The following ARMC6 variants were observed in gnomAD, a reference collection of about 807,000 sequenced individuals.
ARMC6 encodes the protein armadillo repeat-containing protein 6.
A neutral mutation model predicts 49.2 loss-of-function variants in ARMC6; 43 were observed. That is an observed-to-expected ratio of 0.87 (90% confidence interval 0.69 to 1.13). ARMC6 has a LOEUF of 1.13. ARMC6 is among the 50% of genes most tolerant of loss of function. The pLI is 0.00. For synonymous variants in ARMC6, 262 were observed against 289.6 expected, an observed-to-expected ratio of 0.90 and a Z score of 0.97; for missense variants, 627 against 682.0, an observed-to-expected ratio of 0.92 and a Z score of 0.90.
intron 2 of ARMC6, among the ~76,000 whole-genome samples, chr19:19,035,633 A>G (rs985225484): frequency 1.3e-5 from 2 of 151,292 alleles, no homozygotes; most frequent in Non-Finnish European, 2.9e-5. Context: ...GGTGGAAGGG[A>G]GGGGTTGTGG....
chr19:19,046,886 C>G (rs1010844622), intron 4 of ARMC6, among the ~76,000 whole-genome samples: 5 of 147,354 alleles, frequency 3.4e-5, no homozygotes, highest in Non-Finnish European at 3.0e-5. Context: ...TTTGCCCTGC[C>G]AACATGCCAG....
rs969075266 is a variant in ARMC6, at chr19:19,033,737, C to T, written c.-273C>T. On this transcript the variant is annotated 5_prime_UTR_variant, in exon 1 of 9. Coordinates refer to ENST00000535612, the MANE Select transcript of ARMC6 (RefSeq NM_001199196.2). ...GGGCGGCAAAGACGCCTCCGTCGCG[C>T]ACGAGGTGGCCTCGTTGGCTTTACC... is the stretch of plus-strand genomic sequence containing the variant. 59 of 261,566 alleles carry T rather than the reference C, an allele frequency of 2.3e-4. No individual in the cohort carries two copies. Among genetic ancestry groups the T allele is most frequent in the African/African-American group, 1.3e-3 (58 of 44,600 alleles). The allele number at this position is 261,566 out of a possible 1,614,324, so 16.2% of individuals were successfully genotyped here. A position where few individuals can be genotyped will look rare whatever the true frequency, so the allele number is the denominator to read the frequency against.
intron 5 of ARMC6, 119 bp from the exon 6 acceptor site, chr19:19,054,033 T>TCCAATA: frequency 9.7e-7 from 1 of 1,033,328 alleles, no homozygotes; most frequent in South Asian, 2.5e-5. Flanking sequence ...CTGGTGCCCG[T>TCCAATA]GGCCACTCCA....
chr19:19,058,175 C>G lies in ARMC6; in HGVS notation c.*547C>G, dbSNP rs781460825. 5.9e-6 allele frequency: 1 copy of G among 170,210 alleles called. No homozygotes were observed. Among genetic ancestry groups the G allele is most frequent in the Non-Finnish European group, 1.3e-5 (1 of 79,502 alleles). 10.5% of individuals were successfully genotyped at this position (170,210 alleles called of 1,614,324 possible). On this transcript the variant is annotated 3_prime_UTR_variant, in exon 9 of 9. Transcript: ENST00000535612. ...TAATAAAAGATCATTGGGTGAACAG[C>G]GGAGGGGTCTCTTCCATAGCTTGGC...
intron 2 of ARMC6, chr19:19,039,330 CCTTA>C (rs2059394412): frequency 2.2e-6 from 1 of 451,142 alleles, no homozygotes; most frequent in East Asian, 7.2e-5. Context: ...AGAGACGGGG[CCTTA>C]CTATGTTGTC....
chr19:19,035,020 C>T (rs775280253), intron 2 of ARMC6, among the ~76,000 whole-genome samples: 1 of 152,230 alleles, frequency 6.6e-6, no homozygotes, highest in Non-Finnish European at 1.5e-5. Context: ...CGCCACCACG[C>T]CCGGCTAGTT....
chr19:19,042,813 C>T lies in ARMC6; in HGVS notation c.132C>T (p.Ile44=), dbSNP rs1185622489. ...TTGATGCAGCTGTGCGCGAGAACAT[C>T]GAGGAGTTTGCGATGGGGCCAGAGG... The part of the protein sequence containing the change: ...ETFDAAVREN[I]EEFAMGPEEA... The change falls in exon 3 of 9, where the codon ATC becomes ATT. Residue 44 remains isoleucine, a synonymous_variant. Transcript: ENST00000535612. 4.3e-6 allele frequency: 7 copies of T among 1,613,924 alleles called. No individual in the cohort carries two copies. In the African/African-American group the frequency reaches 5.3e-5, roughly 12 times the overall value.
chr19:19,036,038 A>G (rs2059364475), intron 2 of ARMC6, among the ~76,000 whole-genome samples: 1 of 152,010 alleles, frequency 6.6e-6, no homozygotes, highest in South Asian at 2.1e-4. Flanking sequence ...AGTCCGACTC[A>G]TGAATCTGAG....
chr19:19,055,929 G>A lies in ARMC6; in HGVS notation c.1293+1G>A, dbSNP rs749200716. On this transcript the variant is annotated splice_donor_variant, in intron 8 of 8. Coordinates refer to ENST00000535612, the MANE Select transcript of ARMC6 (RefSeq NM_001199196.2). LOFTEE classifies it high-confidence loss of function. The surrounding 1 kb of genome is among the most constrained non-coding windows in gnomAD (Gnocchi z 5.7). ...ACACCCGCAGAAGGCCGGCGTGCAG[G>A]TGGGCAGGGCAGGGGATGGGGGCAG... 2 of 1,607,510 alleles carry A rather than the reference G, an allele frequency of 1.2e-6. No individual in the cohort carries two copies. Among genetic ancestry groups the A allele is most frequent in the African/African-American group, 2.7e-5 (2 of 74,898 alleles).
In ARMC6 at chr19:19,055,844, C is replaced by A. The variant is rs748357975; in HGVS notation, c.1209C>A (p.Asp403Glu). The A allele has an allele frequency of 1.9e-6, 3 of 1,612,262 alleles. No individual in the cohort carries two copies. Among genetic ancestry groups the A allele is most frequent in the South Asian group, 2.2e-5 (2 of 90,912 alleles). ...GCTTCCTGGCCCTGCGTAAGCCCGA[C>A]AACAGCCGCATCATCGTGGAGGGTG... Reference protein sequence around the residue: ...ALCFLALRKPDNSRIIVEGGG... With the variant: ...ALCFLALRKPENSRIIVEGGG... Residue 403 changes from aspartate to glutamate, a missense_variant, in exon 8 of 9, where the codon GAC (aspartate) becomes GAA (glutamate). Coordinates refer to ENST00000535612, the MANE Select transcript of ARMC6 (RefSeq NM_001199196.2). This position sits in a 1 kb window ranked among gnomAD's most constrained non-coding sequence, Gnocchi z 5.7.
chr19:19,038,428 G>GT (rs2059386631), intron 2 of ARMC6, among the ~76,000 whole-genome samples: 1 of 152,140 alleles, frequency 6.6e-6, no homozygotes, highest in African/African-American at 2.4e-5. Flanking sequence ...GGGATTTGGT[G>GT]TTTTTACCAA....
At chr19:19,050,193 CAG>C (rs1417569355) in intron 4 of ARMC6, among the ~76,000 whole-genome samples, 2 of 152,042 alleles carry the variant, frequency 1.3e-5, no homozygotes, top group Non-Finnish European at 1.5e-5. Flanking sequence ...TTTTTGGAGA[CAG>C]AGTCTCTCTC....
chr19:19,033,779 C>T lies in ARMC6; in HGVS notation c.-231C>T. Reference sequence around the variant, plus strand: ...GGCTTTACCTTGGTTCGCGGTCGTCCTTGGTTATCGTGAGCGTCCGCGAGT... The same window carrying T: ...GGCTTTACCTTGGTTCGCGGTCGTCTTTGGTTATCGTGAGCGTCCGCGAGT... On this transcript the variant is annotated 5_prime_UTR_variant, in exon 1 of 9. Transcript: ENST00000535612. 4.0e-6 allele frequency: 1 copy of T among 249,942 alleles called. No individual in the cohort carries two copies. Among genetic ancestry groups the T allele is most frequent in the Non-Finnish European group, 7.7e-6 (1 of 130,584 alleles). 15.5% of individuals were successfully genotyped at this position (249,942 alleles called of 1,614,324 possible). A position where few individuals can be genotyped will look rare whatever the true frequency, so the allele number is the denominator to read the frequency against.
chr19:19,042,182 C>A (rs944986920), intron 2 of ARMC6, among the ~76,000 whole-genome samples: 18 of 152,182 alleles, frequency 1.2e-4, no homozygotes, highest in Non-Finnish European at 2.2e-4. Context: ...TAGGCATTGA[C>A]CCACTGCGCC....
intron 2 of ARMC6, among the ~76,000 whole-genome samples, chr19:19,034,505 A>G (rs1004554329): frequency 6.6e-6 from 1 of 152,060 alleles, no homozygotes; most frequent in Non-Finnish European, 1.5e-5. Context: ...CCCTTAGGGG[A>G]GGCTGGTGTT....
rs80005442 is a variant in ARMC6, at chr19:19,055,723, G to A, written c.1156-68G>A. On this transcript the variant is annotated intron_variant, in intron 7 of 8. Coordinates refer to ENST00000535612, the MANE Select transcript of ARMC6 (RefSeq NM_001199196.2). This position sits in a 1 kb window ranked among gnomAD's most constrained non-coding sequence, Gnocchi z 5.7. ...CGCAGGGTGTTCACCAGGGGTTGGT[G>A]GCCATGGCAGGATGTTGTGGGGGGT... is the stretch of plus-strand genomic sequence containing the variant. The A allele has an allele frequency of 1.8e-3, 2,761 of 1,509,938 alleles. 6 individuals carry two copies. The highest frequency in any genetic ancestry group is 2.2e-3 in the Non-Finnish European group (2,450 of 1,123,004). The allele number at this position is 1,509,938 out of a possible 1,614,324, so 93.5% of individuals were successfully genotyped here.
chr19:19,052,066 G>C lies in ARMC6; in HGVS notation c.724G>C (p.Ala242Pro), dbSNP rs1198888328. The change falls in exon 5 of 9, where the codon GCC becomes CCC. Residue 242 changes from alanine to proline, a missense_variant. Transcript: ENST00000535612. ...CCACCACACTGACGTGGTCAGGGAA[G>C]CCTGCTGGGCCCTGCGTGTCATGAC... is the stretch of plus-strand genomic sequence containing the variant. ...HGHHTDVVREACWALRVMTFD... is the reference protein window; with the variant it reads ...HGHHTDVVREPCWALRVMTFD... 4.3e-6 allele frequency: 7 copies of C among 1,613,860 alleles called. No individual in the cohort carries two copies. The African/African-American group carries it at 9.3e-5, about 22-fold the overall frequency.
chr19:19,034,965 C>T (rs1044979098), intron 2 of ARMC6, among the ~76,000 whole-genome samples: 1 of 149,982 alleles, frequency 6.7e-6, no homozygotes, highest in Non-Finnish European at 1.5e-5. Context: ...GGGTTCAGGC[C>T]ATTCTCCTGC....
rs141832658 is a variant in ARMC6 at position 19,042,636 on chromosome 19, C to T, written c.30-75C>T. On this transcript the variant is annotated intron_variant, in intron 2 of 8. Coordinates refer to ENST00000535612, the MANE Select transcript of ARMC6 (RefSeq NM_001199196.2). ...TCGCTGGTAGATGCTTCCTAAGTGG[C>T]GTTTTCAAGGTGGCCAGGCCCTGCC... The T allele has an allele frequency of 1.4e-5, 21 of 1,519,196 alleles. 1 individual carries two copies. Among genetic ancestry groups the T allele is most frequent in the South Asian group, 1.1e-4 (10 of 88,114 alleles). The allele number at this position is 1,519,196 out of a possible 1,614,324, so 94.1% of individuals were successfully genotyped here. A position where few individuals can be genotyped will look rare whatever the true frequency, so the allele number is the denominator to read the frequency against.
Sources: gnomAD v4.1 joint callset for allele counts (sites outside exome capture counted in the v4.1 genomes callset) on GRCh38, gnomAD v4.1.1 for gene constraint, Gnocchi (gnomAD v3.1) non-coding constraint, MANE v1.5 for transcripts, NCBI Gene and HGNC (gene_info 2026-07-23, HGNC 2026-07-21) for gene names.